BMX: variants seen among roughly 807,000 people sequenced by gnomAD.
BMX encodes the protein BMX non-receptor tyrosine kinase.
Under a neutral mutation model 59.2 loss-of-function variants are expected in BMX, and 31 were observed. The observed-to-expected ratio is 0.52, with a 90% confidence interval of 0.39 to 0.71. The LOEUF is 0.71. Among genes scored for constraint, BMX ranks in the 30% least tolerant of loss-of-function variants. The pLI is 0.00. For synonymous variants in BMX, 185 were observed against 181.0 expected, an observed-to-expected ratio of 1.02 and a Z score of -0.18; for missense variants, 474 against 491.7, an observed-to-expected ratio of 0.96 and a Z score of 0.34.
At chrX:15,521,370 G>A (rs767238391) in intron 6 of BMX, among the ~76,000 whole-genome samples, 17 of 112,058 alleles carry the variant, frequency 1.5e-4, no homozygotes, top group African/African-American at 5.5e-4. Flanking sequence ...TTTTTAGTAT[G>A]TGATTATATT....
At position 15,515,014 on chromosome X, in the gene BMX, A is replaced by G. The variant is rs145833380; in HGVS notation, c.326-1098A>G. ...ATGTCCTTTGCAGGGACATGGATGA[A>G]GCTGGAAGCCATCATTCTCAGCAAA... On this transcript the variant is annotated intron_variant, in intron 4 of 18. Coordinates refer to ENST00000348343, the MANE Select transcript of BMX (RefSeq NM_203281.3). 9.8e-5 allele frequency among the ~76,000 whole-genome samples: 11 copies of G among 111,677 alleles called. No individual in the cohort carries two copies. In the East Asian group the frequency reaches 3.1e-3, roughly 31 times the overall value.
chrX:15,509,211 T>C (rs191928666), intron 2 of BMX, 118 bp from the exon 3 acceptor site: 83 of 110,780 alleles, frequency 7.5e-4, no homozygotes, highest in Non-Finnish European at 1.0e-3. Context: ...AGGAAGTGAC[T>C]CTCCATTGCC....
At chrX:15,518,106 G>A in intron 6 of BMX, 113 bp downstream of exon 6, 2 of 596,093 alleles carry the variant, frequency 3.4e-6, no homozygotes, top group African/African-American at 2.3e-5. Context: ...TCAGCAAAGA[G>A]AGAAAAACCA....
At chrX:15,509,875 G>T (rs1474117831) in intron 3 of BMX, among the ~76,000 whole-genome samples, 1 of 111,754 alleles carries the variant, frequency 8.9e-6, no homozygotes, top group Non-Finnish European at 1.9e-5. Context: ...GGAGTCCCAG[G>T]ATGTGGAAGT....
At chrX:15,551,776 A>G (rs1926210678) in intron 18 of BMX, among the ~76,000 whole-genome samples, 1 of 110,925 alleles carries the variant, frequency 9.0e-6, no homozygotes, top group Non-Finnish European at 1.9e-5. Context: ...ACAGTATATA[A>G]GGTTTCCACA....
intron 18 of BMX, among the ~76,000 whole-genome samples, chrX:15,552,069 G>A (rs1926227557): frequency 8.9e-6 from 1 of 111,981 alleles, no homozygotes; most frequent in African/African-American, 3.2e-5. Flanking sequence ...ACTGTATATG[G>A]CTGCCAATTA....
intron 1 of BMX, among the ~76,000 whole-genome samples, chrX:15,506,236 C>A (rs1024625253): frequency 2.7e-5 from 3 of 111,699 alleles, no homozygotes; most frequent in Middle Eastern, 4.6e-3. Flanking sequence ...AATATGTATA[C>A]CAGCACATAG....
At chrX:15,529,495 A>T (rs766104839) in intron 9 of BMX, among the ~76,000 whole-genome samples, 45 of 112,698 alleles carry the variant, frequency 4.0e-4, no homozygotes, top group Non-Finnish European at 6.9e-4. Context: ...TTGCCCTCAC[A>T]TGAGAAACAG....
At chrX:15,516,077 G>A in intron 4 of BMX, 35 bp from the exon 5 acceptor site, 1 of 1,200,861 alleles carries the variant, frequency 8.3e-7, no homozygotes, top group East Asian at 3.0e-5. Context: ...ATCAACGTTT[G>A]CTAACGTCTT....
At position 15,508,437 on chromosome X, in the gene BMX, A is replaced by G. The variant is rs775547903; in HGVS notation, c.84A>G (p.Glu28=). The change falls in exon 2 of 19, where the codon GAA becomes GAG. Residue 28 remains glutamate, a synonymous_variant. Coordinates refer to ENST00000348343, the MANE Select transcript of BMX (RefSeq NM_203281.3). Reference sequence around the variant, plus strand: ...AAATGTCACCAAATAATTACAAAGAACGGCTTTTTGTTTTGACCAAAACAA... The same window carrying G: ...AAATGTCACCAAATAATTACAAAGAGCGGCTTTTTGTTTTGACCAAAACAA... The part of the protein sequence containing the change: ...KKKMSPNNYK[E]RLFVLTKTNL... The G allele has an allele frequency of 2.5e-6, 3 of 1,193,577 alleles. No homozygotes were observed. Among genetic ancestry groups the G allele is most frequent in the Non-Finnish European group, 3.4e-6 (3 of 885,712 alleles).
intron 1 of BMX, among the ~76,000 whole-genome samples, chrX:15,506,035 G>A (rs1313575565): frequency 1.8e-5 from 2 of 110,759 alleles, no homozygotes; most frequent in African/African-American, 3.3e-5. Flanking sequence ...GACTACAGGT[G>A]CATGCCACCA....
chrX:15,508,573 G>C, intron 2 of BMX, 82 bp downstream of exon 2: 1 of 806,371 alleles, frequency 1.2e-6, no homozygotes, highest in South Asian at 3.2e-5. Context: ...CATAATGAAA[G>C]AATATCAGGT....
At chrX:15,537,102 C>T (rs751093609) in intron 13 of BMX, 32 bp from the exon 14 acceptor site, 38 of 1,201,813 alleles carry the variant, frequency 3.2e-5, no homozygotes, top group East Asian at 5.9e-5. Context: ...TTTCTATGCT[C>T]GTCCTAAAGA....
At chrX:15,501,706 T>G (rs1433011224) in intron 1 of BMX, among the ~76,000 whole-genome samples, 1 of 111,954 alleles carries the variant, frequency 8.9e-6, no homozygotes. Flanking sequence ...ATGATGCAAG[T>G]GCACGGACCA....
In BMX at chrX:15,516,176, C is replaced by T. The variant is rs1924147110; in HGVS notation, c.390C>T (p.Phe130=). ...YHSGFFVDGK[F]LCCQQSCKAA... is the part of the protein sequence containing the mutation. Reference sequence around the variant, plus strand: ...GTGGGTTCTTCGTGGACGGGAAGTTCCTGTGTTGCCAGCAGAGCTGTAAAG... The same window carrying T: ...GTGGGTTCTTCGTGGACGGGAAGTTTCTGTGTTGCCAGCAGAGCTGTAAAG... Residue 130 remains phenylalanine (F), a synonymous_variant, in exon 5 of 19, where the codon TTC becomes TTT. Coordinates refer to ENST00000348343, the MANE Select transcript of BMX (RefSeq NM_203281.3). The T allele has an allele frequency of 8.3e-7, 1 of 1,211,188 alleles. No homozygotes were observed.
At chrX:15,507,419 G>A in intron 1 of BMX, 1 of 707,407 alleles carries the variant, frequency 1.4e-6, no homozygotes, top group African/African-American at 2.3e-5. Context: ...GGTGAGTAAA[G>A]CCTTCAGATT....
In BMX at chrX:15,556,195, C is replaced by A. The variant is rs750329440; in HGVS notation, c.*48C>A. 2.8e-6 allele frequency: 3 copies of A among 1,062,891 alleles called. No individual in the cohort carries two copies. Among genetic ancestry groups the A allele is most frequent in the South Asian group, 4.4e-5 (2 of 45,121 alleles). 87.6% of individuals were successfully genotyped at this position (1,062,891 alleles called of 1,213,427 possible). On this transcript the variant is annotated 3_prime_UTR_variant, in exon 19 of 19. Coordinates refer to ENST00000348343, the MANE Select transcript of BMX (RefSeq NM_203281.3). ...AAGAATGAATATAGATGCTGGCCAG[C>A]ATTTTCATTCATTTTAAGGAAAGTA... is the stretch of plus-strand genomic sequence containing the variant.
chrX:15,510,567 C>A (rs1011834145), intron 3 of BMX, among the ~76,000 whole-genome samples: 3 of 111,109 alleles, frequency 2.7e-5, no homozygotes, highest in African/African-American at 9.8e-5. Flanking sequence ...CAGGGGAGGG[C>A]ATGCTCATGG....
chrX:15,550,718 G>A (rs1406681081), intron 18 of BMX, among the ~76,000 whole-genome samples: 2 of 102,297 alleles, frequency 2.0e-5, no homozygotes, highest in Non-Finnish European at 4.0e-5. Context: ...ACACAAATAG[G>A]ACTGAAAACA....
Sources: gnomAD v4.1 joint callset for allele counts (sites outside exome capture counted in the v4.1 genomes callset) on GRCh38, gnomAD v4.1.1 for gene constraint, MANE v1.5 for transcripts, NCBI Gene and HGNC (gene_info 2026-07-23, HGNC 2026-07-21) for gene names.